The following EID3 variants were observed in gnomAD, a reference collection of about 807,000 sequenced individuals.
EID3 encodes the protein EP300 interacting inhibitor of differentiation 3.
In EID3, 3 loss-of-function variants were observed where a neutral mutation model predicts 1.6. That is an observed-to-expected ratio of 1.87 (90% CI 0.85 to 4.83). The LOEUF (loss-of-function observed/expected upper bound fraction) is 4.83, where lower values mean the gene tolerates loss of function less well. Among genes scored for constraint, EID3 ranks in the 30% most tolerant of loss-of-function variants. EID3 has a pLI of 0.02. For synonymous variants in EID3, 164 were observed against 148.1 expected, an observed-to-expected ratio of 1.11 and a Z score of -0.78; for missense variants, 471 against 409.9, an observed-to-expected ratio of 1.15 and a Z score of -1.29.
Position 104,303,889 on chromosome 12 carries a change from C to T in EID3, c.-46C>T, listed in dbSNP as rs901663608. The T allele has an allele frequency of 6.5e-6, 10 of 1,530,306 alleles. No individual in the cohort carries two copies. The Middle Eastern group carries it at 7.1e-4, about 109-fold the overall frequency. The allele number at this position is 1,530,306 out of a possible 1,614,324, so 94.8% of individuals were successfully genotyped here. ...GAGAGGAGCAGCTCGTGATCATCCC[C>T]GGTAGCGAGTACGCGGCGAAGTAGG... On this transcript the variant is annotated 5_prime_UTR_variant, in exon 1 of 1. Transcript: ENST00000527879.
rs1323549890 is a variant in EID3 at position 104,305,054 on chromosome 12, T to C, written c.*118T>C. ...AAGTGAAAAAGTATTTTCAAGAACA[T>C]CAGACATTGTTTTACTGTGCAGCAT... On this transcript the variant is annotated 3_prime_UTR_variant, in exon 1 of 1. Transcript: ENST00000527879. The C allele has an allele frequency of 4.6e-6, 5 of 1,088,806 alleles. No homozygotes were observed. In the African/African-American group the frequency reaches 4.8e-5, roughly 10 times the overall value. 67.4% of individuals were successfully genotyped at this position (1,088,806 alleles called of 1,614,324 possible). A position where few individuals can be genotyped will look rare whatever the true frequency, so the allele number is the denominator to read the frequency against.
rs1311146440 is a variant in EID3 at position 104,304,482 on chromosome 12, A to G, written c.548A>G (p.Lys183Arg). Residue 183 changes from lysine (K) to arginine (R), a missense_variant, in exon 1 of 1, where the codon AAG becomes AGG. Transcript: ENST00000527879. ...TTCAAGCTAGAACGTTCTGCACCAA[A>G]GCCCCGACTTGAACACCAGAAAAAA... is the stretch of plus-strand genomic sequence containing the variant. ...GSFKLERSAP[K>R]PRLEHQKKVR... The G allele has an allele frequency of 6.2e-7, 1 of 1,613,912 alleles. No homozygotes were observed. The highest frequency in any genetic ancestry group is 8.5e-7 in the Non-Finnish European group (1 of 1,179,906).
In EID3 at chr12:104,304,704, A is replaced by C; in HGVS notation, c.770A>C (p.Glu257Ala). ...IDPNSFSRTV[E>A]NIFYVSFIVR... ...CCAAACTCTTTTTCTCGTACTGTGGAGAATATATTTTATGTTTCTTTTATT... is the reference window on the plus strand; with the variant it reads ...CCAAACTCTTTTTCTCGTACTGTGGCGAATATATTTTATGTTTCTTTTATT... The change falls in exon 1 of 1, where the codon GAG becomes GCG. Residue 257 changes from glutamate to alanine, a missense_variant. Physicochemically the swap from Glu to Ala is moderately radical, Grantham distance 107 (BLOSUM62 -1). Transcript: ENST00000527879. 1 of 1,613,748 alleles carries C rather than the reference A, an allele frequency of 6.2e-7. No individual in the cohort carries two copies. Among genetic ancestry groups the C allele is most frequent in the Non-Finnish European group, 8.5e-7 (1 of 1,179,838 alleles).
chr12:104,303,749 G>A lies in EID3; in HGVS notation c.-186G>A. On this transcript the variant is annotated 5_prime_UTR_variant, in exon 1 of 1. Coordinates refer to ENST00000527879, the MANE Select transcript of EID3 (RefSeq NM_001008394.3). ...GGGCCGCTAGTGCGCATGGGCGGGC[G>A]TCCTCGGCTCTAACTGCCGCCACTT... is the stretch of plus-strand genomic sequence containing the variant. The A allele has an allele frequency of 2.0e-6, 2 of 1,005,976 alleles. No individual in the cohort carries two copies. The highest frequency in any genetic ancestry group is 2.7e-6 in the Non-Finnish European group (2 of 728,790). 62.3% of individuals were successfully genotyped at this position (1,005,976 alleles called of 1,614,324 possible).
At position 104,303,811 on chromosome 12, in the gene EID3, C is replaced by T. The variant is rs1434220400; in HGVS notation, c.-124C>T. 6.5e-6 allele frequency: 9 copies of T among 1,389,004 alleles called. No homozygotes were observed. The highest frequency in any genetic ancestry group is 3.0e-5 in the South Asian group (2 of 66,338). 86.0% of individuals were successfully genotyped at this position (1,389,004 alleles called of 1,614,324 possible). On this transcript the variant is annotated 5_prime_UTR_variant, in exon 1 of 1. Transcript: ENST00000527879. ...GGAGGGCCGTTACCTCAGAGATACC[C>T]GTGGCCGGCATGTTGGTTGAAAAAG... is the stretch of plus-strand genomic sequence containing the variant.
chr12:104,304,059 G>C lies in EID3; in HGVS notation c.125G>C (p.Arg42Thr). ...GAGGAGAAGTGCCGCAGCATCCGCA[G>C]GCAGTACCGGCAGCTCATGTACTGC... ...ADEEKCRSIR[R>T]QYRQLMYCVR... is the part of the protein sequence containing the mutation. Residue 42 changes from arginine (R) to threonine (T), a missense_variant, in exon 1 of 1, where the codon AGG becomes ACG. Arg to Thr is a moderately conservative substitution (Grantham distance 71, BLOSUM62 -1). Coordinates refer to ENST00000527879, the MANE Select transcript of EID3 (RefSeq NM_001008394.3). 1 of 1,613,860 alleles carries C rather than the reference G, an allele frequency of 6.2e-7. No individual in the cohort carries two copies. Among genetic ancestry groups the C allele is most frequent in the Non-Finnish European group, 8.5e-7 (1 of 1,179,906 alleles).
Position 104,304,336 on chromosome 12 carries a change from C to A in EID3, c.402C>A (p.Gly134=). 6.2e-7 allele frequency: 1 copy of A among 1,613,974 alleles called. No homozygotes were observed. The highest frequency in any genetic ancestry group is 2.2e-5 in the East Asian group (1 of 44,886). ...FLFVGLNWME[G]DPDKLSDCDD... ...TCGTGGGTCTGAATTGGATGGAAGG[C>A]GATCCTGACAAGTTGAGTGATTGTG... Residue 134 remains glycine (G), a synonymous_variant, in exon 1 of 1, where the codon GGC becomes GGA. Coordinates refer to ENST00000527879, the MANE Select transcript of EID3 (RefSeq NM_001008394.3).
chr12:104,305,033 GA>G lies in EID3; in HGVS notation c.*102del. ...GCACATATTGTATCTCTTGTAAAGT[GA>G]AAAAGTATTTTCAAGAACATCAGAC... On this transcript the variant is annotated 3_prime_UTR_variant, in exon 1 of 1. Transcript: ENST00000527879. The G allele has an allele frequency of 7.9e-7, 1 of 1,264,072 alleles. No individual in the cohort carries two copies. Among genetic ancestry groups the G allele is most frequent in the Non-Finnish European group, 1.1e-6 (1 of 937,466 alleles). The allele number at this position is 1,264,072 out of a possible 1,614,324, so 78.3% of individuals were successfully genotyped here.
In EID3 at chr12:104,304,614, T is replaced by G. The variant is rs755834351; in HGVS notation, c.680T>G (p.Leu227Trp). 1 of 1,613,944 alleles carries G rather than the reference T, an allele frequency of 6.2e-7. No individual in the cohort carries two copies. Among genetic ancestry groups the G allele is most frequent in the Admixed American group, 1.7e-5 (1 of 60,012 alleles). ...TEKNVERILGLLQTYFRKYPD... is the reference protein window; with the variant it reads ...TEKNVERILGWLQTYFRKYPD... Reference sequence around the variant, plus strand: ...AAAAACGTAGAAAGGATTTTGGGATTGTTGCAAACCTACTTTCGAAAGTAT... The same window carrying G: ...AAAAACGTAGAAAGGATTTTGGGATGGTTGCAAACCTACTTTCGAAAGTAT... The change falls in exon 1 of 1, where the codon TTG becomes TGG. Residue 227 changes from leucine to tryptophan, a missense_variant. Physicochemically the swap from Leu to Trp is moderately conservative, Grantham distance 61 (BLOSUM62 -2). Transcript: ENST00000527879.
Position 104,304,373 on chromosome 12 carries a change from G to A in EID3, c.439G>A (p.Ala147Thr), listed in dbSNP as rs1448932653. Residue 147 changes from alanine to threonine, a missense_variant, in exon 1 of 1, where the codon GCT becomes ACT. Ala to Thr is a moderately conservative substitution (Grantham distance 58). Coordinates refer to ENST00000527879, the MANE Select transcript of EID3 (RefSeq NM_001008394.3). ...DKLSDCDDSI[A>T]LSFWKAIEKE... ...GTTGAGTGATTGTGATGATAGCATA[G>A]CTCTTTCCTTCTGGAAGGCAATAGA... 1 of 1,614,044 alleles carries A rather than the reference G, an allele frequency of 6.2e-7. No homozygotes were observed.
rs746423508 is a variant in EID3, at chr12:104,305,197, G to A, written c.*261G>A. 3.9e-5 allele frequency: 12 copies of A among 305,212 alleles called. No individual in the cohort carries two copies. The highest frequency in any genetic ancestry group is 7.5e-5 in the Non-Finnish European group (12 of 160,718). 18.9% of individuals were successfully genotyped at this position (305,212 alleles called of 1,614,324 possible). On this transcript the variant is annotated 3_prime_UTR_variant, in exon 1 of 1. Coordinates refer to ENST00000527879, the MANE Select transcript of EID3 (RefSeq NM_001008394.3). ...AGACTATTAATAAAAACAAGTTTTG[G>A]ATACCAAATTAAGGGATATTTGATA...
At position 104,304,744 on chromosome 12, in the gene EID3, T is replaced by G. The variant is rs1462187124; in HGVS notation, c.810T>G (p.Phe270Leu). 19 of 1,613,786 alleles carry G rather than the reference T, an allele frequency of 1.2e-5. No individual in the cohort carries two copies. The highest frequency in any genetic ancestry group is 2.7e-5 in the African/African-American group (2 of 74,914). ...FYVSFIVRDG[F>L]ARIRLDEDRL... is the part of the protein sequence containing the mutation. Reference sequence around the variant, plus strand: ...TTTCTTTTATTGTAAGAGATGGTTTTGCAAGAATAAGGCTTGATGAAGACA... The same window carrying G: ...TTTCTTTTATTGTAAGAGATGGTTTGGCAAGAATAAGGCTTGATGAAGACA... The change falls in exon 1 of 1, where the codon TTT becomes TTG. Residue 270 changes from phenylalanine (F) to leucine (L), a missense_variant. Coordinates refer to ENST00000527879, the MANE Select transcript of EID3 (RefSeq NM_001008394.3).
Position 104,304,034 on chromosome 12 carries a change from G to C in EID3, c.100G>C (p.Glu34Gln), listed in dbSNP as rs942940722. The C allele has an allele frequency of 5.6e-6, 9 of 1,611,874 alleles. No homozygotes were observed. Among genetic ancestry groups the C allele is most frequent in the African/African-American group, 1.3e-5 (1 of 74,918 alleles). ...AAAGCTCCTGGAGCTCACCGCTGACGAGGAGAAGTGCCGCAGCATCCGCAG... is the reference window on the plus strand; with the variant it reads ...AAAGCTCCTGGAGCTCACCGCTGACCAGGAGAAGTGCCGCAGCATCCGCAG... ...DPKLLELTAD[E>Q]EKCRSIRRQY... Residue 34 changes from glutamate to glutamine, a missense_variant, in exon 1 of 1, where the codon GAG becomes CAG. Physicochemically the swap from Glu to Gln is conservative, Grantham distance 29 (BLOSUM62 2). Coordinates refer to ENST00000527879, the MANE Select transcript of EID3 (RefSeq NM_001008394.3).
Position 104,304,987 on chromosome 12 carries a change from G to T in EID3, c.*51G>T. ...TGTGTTTTTTTTCTGAAGTTAGATG[G>T]AGAGTAAAATGTAAACTGAAGCACA... On this transcript the variant is annotated 3_prime_UTR_variant, in exon 1 of 1. Transcript: ENST00000527879. 6.6e-7 allele frequency: 1 copy of T among 1,506,410 alleles called. No homozygotes were observed. The allele number at this position is 1,506,410 out of a possible 1,614,324, so 93.3% of individuals were successfully genotyped here.
chr12:104,303,970 C>T lies in EID3; in HGVS notation c.36C>T (p.Cys12=), dbSNP rs559511894. The T allele has an allele frequency of 1.5e-5, 24 of 1,604,740 alleles. No individual in the cohort carries two copies. In the African/African-American group the frequency reaches 2.7e-4, roughly 18 times the overall value. Residue 12 remains cysteine, a synonymous_variant, in exon 1 of 1, where the codon TGC becomes TGT. Transcript: ENST00000527879. Reference sequence around the variant, plus strand: ...ATGTGTCAGTGAGGGCCGCGGGCTGCTCCGACGACCTCAGCTCTGGGGAGG... The same window carrying T: ...ATGTGTCAGTGAGGGCCGCGGGCTGTTCCGACGACCTCAGCTCTGGGGAGG... The part of the protein sequence containing the change: ...KMDVSVRAAG[C]SDDLSSGEAD...
At position 104,304,121 on chromosome 12, in the gene EID3, A is replaced by G. The variant is rs1179703663; in HGVS notation, c.187A>G (p.Asn63Asp). The G allele has an allele frequency of 1.2e-6, 2 of 1,614,058 alleles. No homozygotes were observed. Among genetic ancestry groups the G allele is most frequent in the East Asian group, 4.5e-5 (2 of 44,886 alleles). ...QNREDIVSSA[N>D]NSLTEALEEA... Reference sequence around the variant, plus strand: ...CCGGGAGGACATCGTGAGCTCGGCGAACAACTCCTTAACCGAGGCTCTGGA... The same window carrying G: ...CCGGGAGGACATCGTGAGCTCGGCGGACAACTCCTTAACCGAGGCTCTGGA... The change falls in exon 1 of 1, where the codon AAC (asparagine) becomes GAC (aspartate). Residue 63 changes from asparagine (N) to aspartate (D), a missense_variant. By Grantham distance (23) the Asn-to-Asp change is conservative (BLOSUM62 1). Coordinates refer to ENST00000527879, the MANE Select transcript of EID3 (RefSeq NM_001008394.3).
In EID3 at chr12:104,304,363, T is replaced by C; in HGVS notation, c.429T>C (p.Asp143=). The part of the protein sequence containing the change: ...EGDPDKLSDC[D]DSIALSFWKA... ...ATCCTGACAAGTTGAGTGATTGTGA[T>C]GATAGCATAGCTCTTTCCTTCTGGA... is the stretch of plus-strand genomic sequence containing the variant. Residue 143 remains aspartate (D), a synonymous_variant, in exon 1 of 1, where the codon GAT becomes GAC. Transcript: ENST00000527879. The C allele has an allele frequency of 6.2e-7, 1 of 1,614,056 alleles. No homozygotes were observed. The highest frequency in any genetic ancestry group is 2.2e-5 in the East Asian group (1 of 44,890).
Position 104,304,439 on chromosome 12 carries a change from C to T in EID3, c.505C>T (p.His169Tyr). 1 of 1,613,956 alleles carries T rather than the reference C, an allele frequency of 6.2e-7. No homozygotes were observed. Among genetic ancestry groups the T allele is most frequent in the Non-Finnish European group, 8.5e-7 (1 of 1,179,898 alleles). The change falls in exon 1 of 1, where the codon CAT (histidine) becomes TAT (tyrosine). Residue 169 changes from histidine to tyrosine, a missense_variant. Transcript: ENST00000527879. The stretch of plus-strand genomic sequence containing the variant: ...CTGGATGGTAAAAGCTGAGACATTC[C>T]ATTTTGTTTTTGGTTCATTCAAGCT... Reference protein sequence around the residue: ...TSWMVKAETFHFVFGSFKLER... With the variant: ...TSWMVKAETFYFVFGSFKLER...
At position 104,304,694 on chromosome 12, in the gene EID3, C is replaced by A. The variant is rs768010297; in HGVS notation, c.760C>A (p.Arg254Ser). 4 of 1,613,854 alleles carry A rather than the reference C, an allele frequency of 2.5e-6. No homozygotes were observed. The highest frequency in any genetic ancestry group is 2.5e-6 in the Non-Finnish European group (3 of 1,179,862). ...TGTGATTGATCCAAACTCTTTTTCT[C>A]GTACTGTGGAGAATATATTTTATGT... ...EFVIDPNSFS[R>S]TVENIFYVSF... Residue 254 changes from arginine (R) to serine (S), a missense_variant, in exon 1 of 1, where the codon CGT (arginine) becomes AGT (serine). Arg to Ser is a moderately radical substitution (Grantham distance 110). Transcript: ENST00000527879.
Sources: gnomAD v4.1 joint callset for allele counts on GRCh38, gnomAD v4.1.1 for gene constraint, MANE v1.5 for transcripts, NCBI Gene and HGNC (gene_info 2026-07-23, HGNC 2026-07-21) for gene names.